PPM1L: variants seen among roughly 807,000 people sequenced by gnomAD.
The protein encoded by PPM1L is protein phosphatase, Mg2+/Mn2+ dependent 1L.
Under a neutral mutation model 31.4 loss-of-function variants are expected in PPM1L, and 13 were observed. That is an observed-to-expected ratio of 0.41 (90% confidence interval 0.27 to 0.66). The LOEUF is 0.66. Among genes scored for constraint, PPM1L ranks in the 30% least tolerant of loss-of-function variants. PPM1L has a pLI of 0.29. For synonymous variants in PPM1L, 184 were observed against 175.4 expected (o/e 1.05, Z -0.39); for missense variants, 326 against 453.7 (o/e 0.72, Z 2.56).
chr3:160,887,573 C>CTTTTT (rs58869949), intron 1 of PPM1L, among the ~76,000 whole-genome samples: 3 of 142,624 alleles, frequency 2.1e-5, no homozygotes, highest in African/African-American at 7.8e-5. Context: ...TAATATTCAA[C>CTTTTT]TTTTTTTTTT....
chr3:160,842,247 C>T (rs534195628), intron 1 of PPM1L: 2 of 702,204 alleles, frequency 2.8e-6, no homozygotes, highest in African/African-American at 3.5e-5. Context: ...GATGCTGGTG[C>T]CATTAGCAGA....
At chr3:160,770,837 T>G (rs1205916674) in intron 1 of PPM1L, among the ~76,000 whole-genome samples, 1 of 152,166 alleles carries the variant, frequency 6.6e-6, no homozygotes, top group Non-Finnish European at 1.5e-5. Context: ...TTCCTGTGCA[T>G]AAGATCCTTG....
intron 1 of PPM1L, among the ~76,000 whole-genome samples, chr3:160,770,457 A>C (rs35133197): frequency 3.5e-4 from 54 of 152,332 alleles, no homozygotes; most frequent in Admixed American, 6.5e-4. Context: ...AGAGCCAAAG[A>C]AGAAAGGATA....
At chr3:160,773,302 C>T (rs894861600) in intron 1 of PPM1L, among the ~76,000 whole-genome samples, 11 of 151,952 alleles carry the variant, frequency 7.2e-5, no homozygotes, top group East Asian at 3.8e-4. Flanking sequence ...CTTTTGAAGA[C>T]GCAGAGAGAA....
intron 2 of PPM1L, among the ~76,000 whole-genome samples, chr3:161,035,403 A>G (rs1718716386): frequency 6.6e-6 from 1 of 152,208 alleles, no homozygotes; most frequent in Non-Finnish European, 1.5e-5. Context: ...GGAAAGAGCT[A>G]ATTTTGAGAT....
chr3:160,900,202 A>C (rs1478918452), intron 1 of PPM1L, among the ~76,000 whole-genome samples: 1 of 152,050 alleles, frequency 6.6e-6, no homozygotes. Flanking sequence ...TTTTCTTTAG[A>C]GTTGTCTTTT....
intron 1 of PPM1L, among the ~76,000 whole-genome samples, chr3:160,808,410 T>TGTG (rs1712700166): frequency 9.8e-6 from 1 of 102,114 alleles, no homozygotes; most frequent in Non-Finnish European, 1.9e-5. Context: ...TGTGTGTGTG[T>TGTG]GTGTGTGTGT....
chr3:160,882,316 C>T (rs1022349283), intron 1 of PPM1L: 1 of 152,070 alleles, frequency 6.6e-6, no homozygotes, highest in African/African-American at 2.4e-5. Context: ...TCATCTGGCG[C>T]AGGGTAAGCA....
At chr3:160,887,710 A>G (rs1712967147) in intron 1 of PPM1L, among the ~76,000 whole-genome samples, 1 of 151,166 alleles carries the variant, frequency 6.6e-6, no homozygotes, top group Non-Finnish European at 1.5e-5. Flanking sequence ...CCTCCCTAGT[A>G]GCTGGGACTA....
Position 160,756,735 on chromosome 3 carries a change from T to G in PPM1L, c.399+28T>G, listed in dbSNP as rs752668922. The G allele has an allele frequency of 6.3e-6, 10 of 1,599,660 alleles. No homozygotes were observed. The East Asian group carries it at 2.2e-4, about 36-fold the overall frequency. On this transcript the variant is annotated intron_variant, in intron 1 of 3. Coordinates refer to ENST00000498165, the MANE Select transcript of PPM1L (RefSeq NM_139245.4). This position sits in a 1 kb window ranked among gnomAD's most constrained non-coding sequence, Gnocchi z 6.2. ...AGGAGCTACCCCGGGGCTTTGTATTTGTGTCCGTGTATGTCTCGTGTGTGT... is the reference window on the plus strand; with the variant it reads ...AGGAGCTACCCCGGGGCTTTGTATTGGTGTCCGTGTATGTCTCGTGTGTGT...
At chr3:161,003,575 C>G (rs1576775295) in intron 2 of PPM1L, among the ~76,000 whole-genome samples, 1 of 151,896 alleles carries the variant, frequency 6.6e-6, no homozygotes, top group African/African-American at 2.4e-5. Flanking sequence ...AGTTGGATTC[C>G]TAGGTATTTT....
intron 1 of PPM1L, among the ~76,000 whole-genome samples, chr3:160,929,505 G>A (rs754839618): frequency 1.3e-5 from 2 of 152,120 alleles, no homozygotes; most frequent in Non-Finnish European, 2.9e-5. Flanking sequence ...AAAGAGAGGG[G>A]GCAGGAAAGT....
intron 2 of PPM1L, among the ~76,000 whole-genome samples, chr3:161,005,740 A>G (rs964293498): frequency 4.6e-5 from 7 of 152,342 alleles, no homozygotes; most frequent in Non-Finnish European, 7.3e-5. Context: ...GTTTTCCACA[A>G]AGGTTAGCTA....
chr3:160,884,959 C>T lies in PPM1L; in HGVS notation c.400-76777C>T, dbSNP rs77352780. Among the ~76,000 whole-genome samples the T allele has an allele frequency of 8.4e-3, 1,282 of 152,262 alleles. 18 individuals carry two copies. Among genetic ancestry groups the T allele is most frequent in the African/African-American group, 0.03 (1,244 of 41,528 alleles). ...CCCTGATCTCATACTGACACCTCCT[C>T]AAAAGATGTTCTCTTCTTATGTTTG... On this transcript the variant is annotated intron_variant, in intron 1 of 3. Coordinates refer to ENST00000498165, the MANE Select transcript of PPM1L (RefSeq NM_139245.4).
At chr3:161,067,416 T>G (rs1576627405) in intron 3 of PPM1L, among the ~76,000 whole-genome samples, 1 of 152,240 alleles carries the variant, frequency 6.6e-6, no homozygotes, top group East Asian at 1.9e-4. Flanking sequence ...GGCCTCAGCC[T>G]CTTTTCAGGA....
chr3:160,960,558 T>TTGTG (rs59297068), intron 1 of PPM1L, among the ~76,000 whole-genome samples: 282 of 145,562 alleles, frequency 1.9e-3, no homozygotes, highest in African/African-American at 4.8e-3. Context: ...TTTAGCAGTT[T>TTGTG]TGTGTGTGTG....
rs1428774254 is a variant in PPM1L, at chr3:160,954,114, CTCTGAG to C, written c.400-7617_400-7612del. Among the ~76,000 whole-genome samples the C allele has an allele frequency of 2.0e-5, 3 of 152,150 alleles. 1 individual carries two copies. The highest frequency in any genetic ancestry group is 7.2e-5 in the African/African-American group (3 of 41,430). On this transcript the variant is annotated intron_variant, in intron 1 of 3. Transcript: ENST00000498165. ...TAACCGAGGATAAGTTTCTTAACCTCTCTGAGTCTGTTTCTTCATCTGTAAAAATCT... is the reference window on the plus strand; with the variant it reads ...TAACCGAGGATAAGTTTCTTAACCTCTCTGTTTCTTCATCTGTAAAAATCT...
rs2108110366 is a variant in PPM1L at position 161,065,491 on chromosome 3, T to A, written c.663T>A (p.Asp221Glu). ...GDSRGVLCDK[D>E]GNAIPLSHDH... ...CGCGCGGGGTCCTGTGTGACAAAGA[T>A]GGGAACGCTATTCCTTTGTCTCATG... Residue 221 changes from aspartate to glutamate, a missense_variant, in exon 3 of 4, where the codon GAT (aspartate) becomes GAA (glutamate). By Grantham distance (45) the Asp-to-Glu change is conservative. Transcript: ENST00000498165. 1.2e-6 allele frequency: 2 copies of A among 1,614,064 alleles called. No homozygotes were observed. The highest frequency in any genetic ancestry group is 1.7e-6 in the Non-Finnish European group (2 of 1,179,958).
intron 2 of PPM1L, among the ~76,000 whole-genome samples, chr3:161,065,079 G>T (rs1342976344): frequency 2.0e-5 from 3 of 151,994 alleles, no homozygotes; most frequent in Admixed American, 6.6e-5. Flanking sequence ...TGTATCAGTT[G>T]ACTGAAACTT....
Sources: gnomAD v4.1 joint callset for allele counts (sites outside exome capture counted in the v4.1 genomes callset) on GRCh38, gnomAD v4.1.1 for gene constraint, Gnocchi (gnomAD v3.1) non-coding constraint, MANE v1.5 for transcripts, NCBI Gene and HGNC (gene_info 2026-07-23, HGNC 2026-07-21) for gene names.